The following SLC27A3 variants were observed in gnomAD, a reference collection of about 807,000 sequenced individuals.
SLC27A3 encodes solute carrier family 27 member 3, also known as long-chain fatty acid transport protein 3.
SLC27A3 carries 60 observed loss-of-function variants against 60.1 expected under a neutral mutation model. The ratio of observed to expected loss-of-function variants is 1.00; its 90% CI spans 0.81 to 1.24. SLC27A3 has a LOEUF of 1.24. Ranked by LOEUF, SLC27A3 falls within the 50% of genes most tolerant of loss-of-function variation. The probability of loss-of-function intolerance (pLI) is 0.00; values close to 1 mark genes in which losing one functional copy is unlikely to be tolerated. For missense variants in SLC27A3, 1,079 were observed against 929.9 expected, an observed-to-expected ratio of 1.16 and a Z score of -2.09; for synonymous variants, 455 against 409.0, an observed-to-expected ratio of 1.11 and a Z score of -1.36.
intron 3 of SLC27A3, 184 bp from the exon 4 acceptor site, chr1:153,777,577 G>T: frequency 1.3e-6 from 1 of 755,454 alleles, no homozygotes; most frequent in Non-Finnish European, 2.2e-6. Context: ...CTCTTCTAAG[G>T]CTGGGGACAG....
intron 4 of SLC27A3, 43 bp from the exon 5 acceptor site, chr1:153,778,118 C>T: frequency 2.6e-6 from 4 of 1,567,634 alleles, no homozygotes; most frequent in Non-Finnish European, 1.7e-6. Flanking sequence ...CGGGAGCGGG[C>T]ATCTTGATGC....
At chr1:153,776,863 C>T (rs1673258405) in intron 2 of SLC27A3, 136 bp downstream of exon 2, 1 of 952,374 alleles carries the variant, frequency 1.1e-6, no homozygotes, top group East Asian at 2.6e-5. Context: ...CCCATCATTT[C>T]ACTCCCCAGT....
At chr1:153,779,263 T>C in intron 8 of SLC27A3, 52 bp downstream of exon 8, 3 of 1,613,558 alleles carry the variant, frequency 1.9e-6, no homozygotes. Flanking sequence ...CCCGAATTGG[T>C]AGTACTTGGG....
chr1:153,779,166 C>T lies in SLC27A3; in HGVS notation c.1699C>T (p.Leu567=), dbSNP rs1367551742. 2 of 1,614,048 alleles carry T rather than the reference C, an allele frequency of 1.2e-6. No homozygotes were observed. Among genetic ancestry groups the T allele is most frequent in the Non-Finnish European group, 1.7e-6 (2 of 1,180,028 alleles). ...CGAGGTGGCAGAGGTCTTCGAGGCC[C>T]TAGATTTTCTTCAGGAGGTGAACGT... The part of the protein sequence containing the change: ...TTEVAEVFEA[L]DFLQEVNVYG... Residue 567 remains leucine, a synonymous_variant, in exon 8 of 10, where the codon CTA becomes TTA. Transcript: ENST00000624995.
In SLC27A3 at chr1:153,779,256, G is replaced by A. The variant is rs201142192; in HGVS notation, c.1744+45G>A. 4.1e-5 allele frequency: 66 copies of A among 1,613,054 alleles called. No homozygotes were observed. In the Middle Eastern group the frequency reaches 1.7e-3, roughly 40 times the overall value. The stretch of plus-strand genomic sequence containing the variant: ...GGGGGAGGCACCCAGCCACCACCCC[G>A]AATTGGTAGTACTTGGGCGCAGGGA... On this transcript the variant is annotated intron_variant, in intron 8 of 9. Transcript: ENST00000624995.
chr1:153,776,868 C>A, intron 2 of SLC27A3, 141 bp downstream of exon 2: 1 of 936,318 alleles, frequency 1.1e-6, no homozygotes, highest in Non-Finnish European at 1.6e-6. Context: ...CATTTCACTC[C>A]CCAGTCTCCT....
At chr1:153,777,039 G>T (rs780042175) in intron 2 of SLC27A3, 23 bp from the exon 3 acceptor site, 1 of 1,613,112 alleles carries the variant, frequency 6.2e-7, no homozygotes, top group South Asian at 1.1e-5. Flanking sequence ...TCCCCTGATC[G>T]TCCCATAACT....
rs1448912602 is a variant in SLC27A3 at position 153,778,282 on chromosome 1, C to T, written c.1283C>T (p.Thr428Ile). ...CAGGTGCTGGAGACATATGGACTGA[C>T]AGAGGGCAACGTGGCCACCATCAAC... ...PLQVLETYGL[T>I]EGNVATINYT... is the part of the protein sequence containing the mutation. Residue 428 changes from threonine (T) to isoleucine (I), a missense_variant, in exon 5 of 10, where the codon ACA (threonine) becomes ATA (isoleucine). Physicochemically the swap from Thr to Ile is moderately conservative, Grantham distance 89. Coordinates refer to ENST00000624995, the MANE Select transcript of SLC27A3 (RefSeq NM_024330.4). 6.2e-7 allele frequency: 1 copy of T among 1,614,136 alleles called. No individual in the cohort carries two copies. Among genetic ancestry groups the T allele is most frequent in the South Asian group, 1.1e-5 (1 of 91,092 alleles).
At chr1:153,777,594 G>A (rs917150126) in intron 3 of SLC27A3, 167 bp from the exon 4 acceptor site, 3 of 863,362 alleles carry the variant, frequency 3.5e-6, no homozygotes, top group Admixed American at 4.4e-5. Context: ...ACAGGGGCCG[G>A]GGGAGGGGAA....
In SLC27A3 at chr1:153,779,906, T is replaced by C. The variant is rs1020880296; in HGVS notation, c.1956T>C (p.Ser652=). The C allele has an allele frequency of 6.2e-6, 10 of 1,613,970 alleles. No individual in the cohort carries two copies. The African/African-American group carries it at 1.3e-4, about 22-fold the overall frequency. Residue 652 remains serine, a synonymous_variant, in exon 10 of 10, where the codon TCT becomes TCC. Coordinates refer to ENST00000624995, the MANE Select transcript of SLC27A3 (RefSeq NM_024330.4). ...AGGGCTTCGACCCCAGCACCCTGTC[T>C]GACCCACTGTACGTTCTGGACCAGG... ...ANEGFDPSTL[S]DPLYVLDQAV... is the part of the protein sequence containing the mutation.
chr1:153,778,650 A>G, intron 6 of SLC27A3, 37 bp from the exon 7 acceptor site: 1 of 1,611,792 alleles, frequency 6.2e-7, no homozygotes. Context: ...GGCTCTGGGA[A>G]AGGTGACACC....
intron 3 of SLC27A3, 99 bp downstream of exon 3, chr1:153,777,319 G>T: frequency 1.4e-6 from 2 of 1,418,438 alleles, no homozygotes; most frequent in Non-Finnish European, 2.0e-6. Context: ...TCTAGAGGAC[G>T]GATGGGGCAG....
chr1:153,778,211 G>T lies in SLC27A3; in HGVS notation c.1212G>T (p.Leu404=), dbSNP rs140163228. 2 of 1,613,272 alleles carry T rather than the reference G, an allele frequency of 1.2e-6. No individual in the cohort carries two copies. Among genetic ancestry groups the T allele is most frequent in the East Asian group, 2.2e-5 (1 of 44,894 alleles). ...HKVRLAVGSG[L]RPDTWERFVR... is the part of the protein sequence containing the mutation. ...TCCGGCTGGCAGTGGGCAGCGGGCT[G>T]CGCCCAGATACCTGGGAGCGTTTTG... The change falls in exon 5 of 10, where the codon CTG becomes CTT. Residue 404 remains leucine (L), a synonymous_variant. Transcript: ENST00000624995.
rs201878467 is a variant in SLC27A3 at position 153,777,862 on chromosome 1, C to T, written c.1138C>T (p.Arg380Ter). The change falls in exon 4 of 10, where the codon CGA (arginine) becomes TGA (stop). Residue 380 changes from arginine (R) to a stop codon, truncating the protein, a stop_gained. Transcript: ENST00000624995. LOFTEE classifies it high-confidence loss of function. The stretch of plus-strand genomic sequence containing the variant: ...GTTCCAGTACATTGGGGAGCTGTGC[C>T]GATACCTTGTCAACCAGCCCCCGGT... ...TVFQYIGELCRYLVNQPPSKA... is the reference protein window; with the variant it reads ...TVFQYIGELC 242 of 1,614,204 alleles carry T rather than the reference C, an allele frequency of 1.5e-4. No individual in the cohort carries two copies. In the Middle Eastern group the frequency reaches 4.5e-3, roughly 30 times the overall value.
rs1404176066 is a variant in SLC27A3 at position 153,780,057 on chromosome 1, G to A, written c.*55G>A. ...GGAACTCTGTGGGGTGGGGGCCGTT[G>A]CAGGTGTACTGGGCTGTCAGGGATC... On this transcript the variant is annotated 3_prime_UTR_variant, in exon 10 of 10. Transcript: ENST00000624995. The A allele has an allele frequency of 1.3e-6, 2 of 1,511,214 alleles. No individual in the cohort carries two copies. The highest frequency in any genetic ancestry group is 1.4e-5 in the African/African-American group (1 of 72,264). The allele number at this position is 1,511,214 out of a possible 1,614,324, so 93.6% of individuals were successfully genotyped here. A position where few individuals can be genotyped will look rare whatever the true frequency, so the allele number is the denominator to read the frequency against.
In SLC27A3 at chr1:153,779,873, G is replaced by T. The variant is rs1187202555; in HGVS notation, c.1923G>T (p.Met641Ile). 6.2e-7 allele frequency: 1 copy of T among 1,614,042 alleles called. No individual in the cohort carries two copies. The highest frequency in any genetic ancestry group is 1.7e-5 in the Admixed American group (1 of 60,016). The change falls in exon 10 of 10, where the codon ATG becomes ATT. Residue 641 changes from methionine (M) to isoleucine (I), a missense_variant. Transcript: ENST00000624995. ...CCTTCAAACAGCAGAAAGTTCGGATGGCAAATGAGGGCTTCGACCCCAGCA... is the reference window on the plus strand; with the variant it reads ...CCTTCAAACAGCAGAAAGTTCGGATTGCAAATGAGGGCTTCGACCCCAGCA... Reference protein sequence around the residue: ...TETFKQQKVRMANEGFDPSTL... With the variant: ...TETFKQQKVRIANEGFDPSTL...
At position 153,778,543 on chromosome 1, in the gene SLC27A3, C is replaced by T. The variant is rs1271184957; in HGVS notation, c.1437C>T (p.Ala479=). 1 of 1,614,010 alleles carries T rather than the reference C, an allele frequency of 6.2e-7. No homozygotes were observed. ...PIRDPQGHCM[A]TSPGEPGLLV... ...GGGACCCCCAGGGGCACTGTATGGC[C>T]ACATCTCCAGGTTGGTGGTGTTCTG... Residue 479 remains alanine, a synonymous_variant, in exon 6 of 10, where the codon GCC becomes GCT. Coordinates refer to ENST00000624995, the MANE Select transcript of SLC27A3 (RefSeq NM_024330.4).
In SLC27A3 at chr1:153,775,730, G is replaced by A. The variant is rs756258170; in HGVS notation, c.233G>A (p.Arg78His). Residue 78 changes from arginine to histidine, a missense_variant, in exon 1 of 10, where the codon CGC becomes CAC. Transcript: ENST00000624995. ...CGCCTCGCGGAACTGGCCCAGCAGC[G>A]CGCCGCGCACACCTTTCTCATTCAC... ...AWRLAELAQQ[R>H]AAHTFLIHGS... 2.0e-6 allele frequency: 3 copies of A among 1,518,790 alleles called. No homozygotes were observed. The highest frequency in any genetic ancestry group is 2.6e-6 in the Non-Finnish European group (3 of 1,137,986). 94.1% of individuals were successfully genotyped at this position (1,518,790 alleles called of 1,614,324 possible). A position where few individuals can be genotyped will look rare whatever the true frequency, so the allele number is the denominator to read the frequency against.
rs1673262679 is a variant in SLC27A3 at position 153,777,006 on chromosome 1, A to G, written c.878-56A>G. The G allele has an allele frequency of 1.8e-5, 28 of 1,584,466 alleles. No individual in the cohort carries two copies. The South Asian group carries it at 3.0e-4, about 17-fold the overall frequency. ...AAACCCAGCGGGGGTGCAAACAGAT[A>G]GGTAGAGCTTGGAGTTTGCCCTTCC... On this transcript the variant is annotated intron_variant, in intron 2 of 9. Transcript: ENST00000624995.
Sources: allele counts gnomAD v4.1 joint callset, GRCh38; gene constraint gnomAD v4.1.1; transcripts MANE v1.5; gene names NCBI Gene and HGNC (gene_info 2026-07-23, HGNC 2026-07-21).